COL19A1: variants seen among roughly 807,000 people sequenced by gnomAD.
COL19A1 encodes the protein collagen type XIX alpha 1 chain, also known as collagen alpha-1(XIX) chain.
A neutral mutation model predicts 190.2 loss-of-function variants in COL19A1; 159 were observed. That is an observed-to-expected ratio of 0.84 (90% confidence interval 0.73 to 0.95). The LOEUF is 0.95. Ranked by LOEUF, COL19A1 falls within the 40% of genes least tolerant of loss-of-function variation. The pLI is 0.00. For missense variants in COL19A1, 1,418 were observed against 1,431.9 expected (o/e 0.99, Z 0.16); for synonymous variants, 509 against 458.9 (o/e 1.11, Z -1.39).
intron 34 of COL19A1, among the ~76,000 whole-genome samples, chr6:70,161,108 G>T (rs1787772397): frequency 6.6e-6 from 1 of 152,114 alleles, no homozygotes; most frequent in Non-Finnish European, 1.5e-5. Context: ...CAAATCTAAG[G>T]AGGGGAGGGA....
intron 15 of COL19A1, among the ~76,000 whole-genome samples, chr6:70,084,764 A>T (rs2150168282): frequency 6.6e-6 from 1 of 152,130 alleles, no homozygotes; most frequent in East Asian, 1.9e-4. Context: ...CCTTACCTCT[A>T]TAAGGAGGGC....
At chr6:69,932,137 C>T (rs1772798510) in intron 6 of COL19A1, among the ~76,000 whole-genome samples, 1 of 151,718 alleles carries the variant, frequency 6.6e-6, no homozygotes, top group African/African-American at 2.4e-5. Flanking sequence ...TTTTACTTTC[C>T]TTGAACTACA....
At chr6:69,997,520 C>G (rs1776993021) in intron 11 of COL19A1, among the ~76,000 whole-genome samples, 1 of 152,130 alleles carries the variant, frequency 6.6e-6, no homozygotes, top group South Asian at 2.1e-4. Context: ...ATGACAATTA[C>G]TCAATCTCAG....
chr6:69,954,294 A>G (rs1476010515), intron 9 of COL19A1, among the ~76,000 whole-genome samples: 1 of 151,990 alleles, frequency 6.6e-6, no homozygotes, highest in East Asian at 1.9e-4. Context: ...GAGCTCCTGG[A>G]GTAGAAGGAC....
Position 69,925,438 on chromosome 6 carries a change from G to C in COL19A1, c.267-2471G>C, listed in dbSNP as rs546401332. Among the ~76,000 whole-genome samples the C allele has an allele frequency of 6.6e-5, 10 of 152,144 alleles. No individual in the cohort carries two copies. In the East Asian group the frequency reaches 1.9e-3, roughly 29 times the overall value. ...TCTGAGGGCTCTGTTCTGTTCCATT[G>C]GTCTATATCTCTGTTTTGATACCAG... is the stretch of plus-strand genomic sequence containing the variant. On this transcript the variant is annotated intron_variant, in intron 4 of 50. Transcript: ENST00000620364.
chr6:70,037,721 A>G (rs957173453), intron 14 of COL19A1, among the ~76,000 whole-genome samples: 2 of 152,224 alleles, frequency 1.3e-5, no homozygotes, highest in African/African-American at 2.4e-5. Flanking sequence ...CGCCTGAAAT[A>G]CAATTTTGGC....
chr6:69,915,654 G>A (rs771211163), intron 4 of COL19A1, among the ~76,000 whole-genome samples: 7 of 152,108 alleles, frequency 4.6e-5, no homozygotes, highest in Non-Finnish European at 1.0e-4. Context: ...TGTAGGATTG[G>A]TGCAAAAGTT....
At chr6:70,164,549 C>A (rs945936889) in intron 36 of COL19A1, among the ~76,000 whole-genome samples, 1 of 152,144 alleles carries the variant, frequency 6.6e-6, no homozygotes, top group African/African-American at 2.4e-5. Context: ...GGAGCTTGCC[C>A]AACCCCACTA....
Position 70,102,195 on chromosome 6 carries a change from C to T in COL19A1, c.1251C>T (p.Pro417=), listed in dbSNP as rs181253508. ...QRGRRGKTGP[P]GKPGPPGPPG... The stretch of plus-strand genomic sequence containing the variant: ...GAAGACGAGGGAAAACAGGACCTCC[C>T]GGAAAACCAGGACCCCCAGGACCAC... Residue 417 remains proline, a synonymous_variant, in exon 16 of 51, where the codon CCC becomes CCT. Coordinates refer to ENST00000620364, the MANE Select transcript of COL19A1 (RefSeq NM_001858.6). 9.2e-5 allele frequency: 148 copies of T among 1,612,634 alleles called. No individual in the cohort carries two copies. Among genetic ancestry groups the T allele is most frequent in the Non-Finnish European group, 1.2e-4 (142 of 1,178,820 alleles).
chr6:69,870,884 A>G (rs1165447248), intron 1 of COL19A1, among the ~76,000 whole-genome samples: 1 of 152,220 alleles, frequency 6.6e-6, no homozygotes. Flanking sequence ...ACGTTTACAA[A>G]TAGATTTGAT....
intron 46 of COL19A1, among the ~76,000 whole-genome samples, chr6:70,185,332 C>T (rs1766440995): frequency 6.6e-6 from 1 of 152,146 alleles, no homozygotes; most frequent in African/African-American, 2.4e-5. Flanking sequence ...CTCTGGCCTT[C>T]ATCCACTAGA....
rs1409561853 is a variant in COL19A1 at position 69,922,382 on chromosome 6, TA to T, written c.267-5526del. 7.3e-5 allele frequency among the ~76,000 whole-genome samples: 11 copies of T among 151,472 alleles called. No individual in the cohort carries two copies. The East Asian group carries it at 7.7e-4, about 11-fold the overall frequency. ...TATATATAAATATTGATAATACTCT[TA>T]TTTTTTTGTCACAGCAGAAACTACT... On this transcript the variant is annotated intron_variant, in intron 4 of 50. Transcript: ENST00000620364.
At chr6:69,968,767 G>A (rs1408114089) in intron 11 of COL19A1, among the ~76,000 whole-genome samples, 2 of 152,040 alleles carry the variant, frequency 1.3e-5, no homozygotes, top group African/African-American at 2.4e-5. Context: ...TTAAAATTTG[G>A]TATTGAGTGA....
Position 69,879,597 on chromosome 6 carries a change from G to A in COL19A1, c.30G>A (p.Trp10Ter). The change falls in exon 2 of 51, where the codon TGG becomes TGA. Residue 10 changes from tryptophan (W) to a stop codon, truncating the protein, a stop_gained. Coordinates refer to ENST00000620364, the MANE Select transcript of COL19A1 (RefSeq NM_001858.6). LOFTEE classifies it high-confidence loss of function. Reference sequence around the variant, plus strand: ...GACTCACTGGCCCTTGGAAACTTTGGCTTTGGATGTCAATATTTCTGCTTC... The same window carrying A: ...GACTCACTGGCCCTTGGAAACTTTGACTTTGGATGTCAATATTTCTGCTTC... MRLTGPWKL[W>*]LWMSIFLLPA... 7 of 1,614,012 alleles carry A rather than the reference G, an allele frequency of 4.3e-6. No individual in the cohort carries two copies. The highest frequency in any genetic ancestry group is 5.9e-6 in the Non-Finnish European group (7 of 1,180,004).
intron 16 of COL19A1, among the ~76,000 whole-genome samples, chr6:70,121,380 A>G (rs889778389): frequency 6.6e-6 from 1 of 152,204 alleles, no homozygotes; most frequent in African/African-American, 2.4e-5. Context: ...TATAGCACAC[A>G]TCTTTTTTCT....
At chr6:70,205,791 G>T (rs988872813) in intron 49 of COL19A1, among the ~76,000 whole-genome samples, 2 of 152,150 alleles carry the variant, frequency 1.3e-5, no homozygotes, top group Admixed American at 1.3e-4. Context: ...TCAGCCAATA[G>T]CAAGCATATT....
intron 11 of COL19A1, among the ~76,000 whole-genome samples, chr6:70,004,715 A>G (rs1280550625): frequency 3.9e-5 from 6 of 152,094 alleles, no homozygotes; most frequent in Non-Finnish European, 8.8e-5. Context: ...TTTCAGCTCC[A>G]TCAGGTAATT....
chr6:70,074,992 G>C (rs2025107), intron 15 of COL19A1, among the ~76,000 whole-genome samples: 1 of 151,910 alleles, frequency 6.6e-6, no homozygotes, highest in Non-Finnish European at 1.5e-5. Flanking sequence ...AAATATAAAC[G>C]TATACCTTAA....
chr6:70,106,735 G>A (rs1783992809), intron 16 of COL19A1, among the ~76,000 whole-genome samples: 1 of 152,136 alleles, frequency 6.6e-6, no homozygotes, highest in Non-Finnish European at 1.5e-5. Flanking sequence ...CTATACAAAG[G>A]AAAAAGCTCC....
Sources: gnomAD v4.1 joint callset for allele counts (sites outside exome capture counted in the v4.1 genomes callset) on GRCh38, gnomAD v4.1.1 for gene constraint, MANE v1.5 for transcripts, NCBI Gene and HGNC (gene_info 2026-07-23, HGNC 2026-07-21) for gene names.